The following LDLRAD4 variants were observed in gnomAD, a reference collection of about 807,000 sequenced individuals.
LDLRAD4 encodes the protein low density lipoprotein receptor class A domain containing 4, also known as low-density lipoprotein receptor class A domain-containing protein 4.
Under a neutral mutation model 17.0 loss-of-function variants are expected in LDLRAD4, and 5 were observed. The ratio of observed to expected loss-of-function variants is 0.29; its 90% CI spans 0.15 to 0.62. The LOEUF is 0.62. Among genes scored for constraint, LDLRAD4 ranks in the 20% least tolerant of loss-of-function variants. LDLRAD4 has a pLI of 0.84. For missense variants in LDLRAD4, 340 were observed against 424.7 expected, an observed-to-expected ratio of 0.80 and a Z score of 1.75; for synonymous variants, 168 against 171.8, an observed-to-expected ratio of 0.98 and a Z score of 0.17.
chr18:13,566,353 G>A (rs1431885447), intron 3 of LDLRAD4, among the ~76,000 whole-genome samples: 1 of 145,318 alleles, frequency 6.9e-6, no homozygotes, highest in Non-Finnish European at 1.5e-5. Context: ...TTTCAATAAA[G>A]AGCATGCCTT....
At chr18:13,563,295 C>T (rs942244726) in intron 3 of LDLRAD4, among the ~76,000 whole-genome samples, 1 of 152,130 alleles carries the variant, frequency 6.6e-6, no homozygotes, top group Admixed American at 6.5e-5. Flanking sequence ...CAGTTAGACC[C>T]AGTTTAATTG....
intron 1 of LDLRAD4, among the ~76,000 whole-genome samples, chr18:13,285,379 T>C (rs1351694181): frequency 6.6e-6 from 1 of 152,098 alleles, no homozygotes; most frequent in Non-Finnish European, 1.5e-5. Context: ...GTGTCATGAG[T>C]GGGCAGAGGG....
chr18:13,625,280 G>A (rs761685053), intron 4 of LDLRAD4, among the ~76,000 whole-genome samples: 50 of 152,212 alleles, frequency 3.3e-4, no homozygotes, highest in Non-Finnish European at 5.3e-4. Context: ...TTCACACTCT[G>A]ATTAAACTTA....
Position 13,459,159 on chromosome 18 carries a change from C to CAAAAA in LDLRAD4, c.181+20803_181+20807dup, listed in dbSNP as rs534798084. Reference sequence around the variant, plus strand: ...ACATAGTGAGACTCCATCTCTACACCAAAAAAAAAAAAAAAAAAAAAAAAA... The same window carrying CAAAAA: ...ACATAGTGAGACTCCATCTCTACACCAAAAAAAAAAAAAAAAAAAAAAAAAAAAAA... On this transcript the variant is annotated intron_variant, in intron 3 of 5. Transcript: ENST00000359446. Among the ~76,000 whole-genome samples, 45 of 53,746 alleles carry CAAAAA rather than the reference C, an allele frequency of 8.4e-4. 4 individuals carry two copies. Among genetic ancestry groups the CAAAAA allele is most frequent in the African/African-American group, 2.0e-3 (33 of 16,612 alleles). The allele number at this position is 53,746 out of a possible 152,430, so 35.3% of individuals were successfully genotyped here.
At chr18:13,516,966 C>T (rs987663862) in intron 3 of LDLRAD4, among the ~76,000 whole-genome samples, 2 of 152,214 alleles carry the variant, frequency 1.3e-5, no homozygotes, top group African/African-American at 4.8e-5. Flanking sequence ...CTTTCCGCCT[C>T]AGCTTCTCGA....
At chr18:13,598,208 C>T (rs921453737) in intron 3 of LDLRAD4, among the ~76,000 whole-genome samples, 6 of 152,264 alleles carry the variant, frequency 3.9e-5, no homozygotes, top group Middle Eastern at 3.4e-3. Context: ...TTAGTAGCTT[C>T]GTTGGACTAT....
chr18:13,567,644 A>AATGAACTT (rs2094624429), intron 3 of LDLRAD4, among the ~76,000 whole-genome samples: 1 of 152,338 alleles, frequency 6.6e-6, no homozygotes, highest in Admixed American at 6.5e-5. Flanking sequence ...CCTGAATGCA[A>AATGAACTT]ATGAACTTCC....
rs2039587721 is a variant in LDLRAD4 at position 13,611,811 on chromosome 18, A to C, written c.182-9306A>C. On this transcript the variant is annotated intron_variant, in intron 3 of 5. Transcript: ENST00000359446. Reference sequence around the variant, plus strand: ...GCGAGCCGGGGGGAAAGGAGCGCGCAGTGTTTCCTGCTGCGGTTAGGACCT... The same window carrying C: ...GCGAGCCGGGGGGAAAGGAGCGCGCCGTGTTTCCTGCTGCGGTTAGGACCT... 7.1e-6 allele frequency: 7 copies of C among 985,630 alleles called. No individual in the cohort carries two copies. The South Asian group carries it at 3.3e-4, about 46-fold the overall frequency. The allele number at this position is 985,630 out of a possible 1,614,324, so 61.1% of individuals were successfully genotyped here. A position where few individuals can be genotyped will look rare whatever the true frequency, so the allele number is the denominator to read the frequency against.
chr18:13,444,102 T>C (rs915331506), intron 3 of LDLRAD4, among the ~76,000 whole-genome samples: 3 of 152,236 alleles, frequency 2.0e-5, no homozygotes, highest in Non-Finnish European at 4.4e-5. Context: ...CTGAAGTGTA[T>C]ATCATATAGG....
intron 3 of LDLRAD4, among the ~76,000 whole-genome samples, chr18:13,443,894 G>A (rs551367322): frequency 1.9e-4 from 29 of 152,302 alleles, no homozygotes; most frequent in African/African-American, 6.7e-4. Context: ...GGAGACTCAG[G>A]TGTGAACGCT....
chr18:13,413,814 T>C (rs1221944728), intron 2 of LDLRAD4, among the ~76,000 whole-genome samples: 1 of 152,070 alleles, frequency 6.6e-6, no homozygotes, highest in Non-Finnish European at 1.5e-5. Flanking sequence ...GCCTGTAATC[T>C]CAGCGACTGT....
At chr18:13,374,056 C>T (rs912558407) in intron 1 of LDLRAD4, among the ~76,000 whole-genome samples, 3 of 152,228 alleles carry the variant, frequency 2.0e-5, no homozygotes, top group African/African-American at 4.8e-5. Context: ...TCCTCAACCA[C>T]GTGGAATTTG....
chr18:13,588,783 G>A (rs531313544), intron 3 of LDLRAD4, among the ~76,000 whole-genome samples: 1 of 152,156 alleles, frequency 6.6e-6, no homozygotes, highest in South Asian at 2.1e-4. Flanking sequence ...TCTTGACCTT[G>A]TTTCAGAGAA....
chr18:13,427,721 CCATAATT>C, intron 2 of LDLRAD4, among the ~76,000 whole-genome samples: 1 of 152,272 alleles, frequency 6.6e-6, no homozygotes, highest in Admixed American at 6.5e-5. Flanking sequence ...GAGAACGATT[CCATAATT>C]GAAGACCACA....
chr18:13,560,702 A>G (rs1346190803), intron 3 of LDLRAD4, among the ~76,000 whole-genome samples: 3 of 152,232 alleles, frequency 2.0e-5, no homozygotes, highest in Admixed American at 1.3e-4. Flanking sequence ...GGATCTGCTG[A>G]GCTCAAGCTT....
intron 1 of LDLRAD4, among the ~76,000 whole-genome samples, chr18:13,223,799 A>G (rs2041599899): frequency 6.6e-6 from 1 of 152,162 alleles, no homozygotes; most frequent in African/African-American, 2.4e-5. Flanking sequence ...GCCCTGTGAC[A>G]TGGGTCCTCC....
upstream of LDLRAD4, among the ~76,000 whole-genome samples, chr18:13,273,709 AT>A (rs1021230591): frequency 7.2e-5 from 11 of 152,224 alleles, no homozygotes; most frequent in African/African-American, 2.2e-4. Flanking sequence ...GCCCAAACAA[AT>A]TTCCCATCTT....
At chr18:13,612,681 C>T in intron 3 of LDLRAD4, 1 of 1,613,834 alleles carries the variant, frequency 6.2e-7, no homozygotes, top group Non-Finnish European at 8.5e-7. Context: ...CACAGTTGGA[C>T]TCCCACTTGC....
chr18:13,572,334 T>A (rs1485309132), intron 3 of LDLRAD4, among the ~76,000 whole-genome samples: 1 of 152,216 alleles, frequency 6.6e-6, no homozygotes, highest in Non-Finnish European at 1.5e-5. Flanking sequence ...GCTGTCCTTC[T>A]GTGATCACTG....
Sources: gnomAD v4.1 joint callset for allele counts (sites outside exome capture counted in the v4.1 genomes callset) on GRCh38, gnomAD v4.1.1 for gene constraint, MANE v1.5 for transcripts, NCBI Gene and HGNC (gene_info 2026-07-23, HGNC 2026-07-21) for gene names.